THSD7A: variants seen among roughly 807,000 people sequenced by gnomAD.
THSD7A encodes the protein thrombospondin type 1 domain containing 7A.
In THSD7A, 96 loss-of-function variants were observed where a neutral mutation model predicts 231.3. The observed-to-expected ratio is 0.41, with a 90% CI of 0.35 to 0.49. THSD7A has a LOEUF of 0.49. Ranked by LOEUF, THSD7A falls within the 20% of genes least tolerant of loss-of-function variation. The pLI is 0.05. For synonymous variants in THSD7A, 940 were observed against 743.3 expected (o/e 1.26, Z -4.30); for missense variants, 2,290 against 2,070.2 (o/e 1.11, Z -2.06).
intron 13 of THSD7A, among the ~76,000 whole-genome samples, 159 bp from the exon 14 acceptor site, chr7:11,429,284 A>G (rs1784410642): frequency 6.6e-6 from 1 of 152,222 alleles, no homozygotes; most frequent in African/African-American, 2.4e-5. Flanking sequence ...TAAATTCTGC[A>G]GGGAAATGTC....
At chr7:11,535,378 T>C (rs370645454) in intron 6 of THSD7A, among the ~76,000 whole-genome samples, 1 of 152,038 alleles carries the variant, frequency 6.6e-6, no homozygotes, top group East Asian at 1.9e-4. Context: ...TGCCAAGTTT[T>C]TATAGTCCAA....
In THSD7A at chr7:11,372,866, C is replaced by T. The variant is rs1454016093; in HGVS notation, c.*2928G>A. ...TCTCATGTCAGAAACAAAAATAAGGCCATTTTCATGTTATAAACATGAATA... is the reference window on the plus strand; with the variant it reads ...TCTCATGTCAGAAACAAAAATAAGGTCATTTTCATGTTATAAACATGAATA... On this transcript the variant is annotated 3_prime_UTR_variant, in exon 28 of 28. Coordinates refer to ENST00000423059, the MANE Select transcript of THSD7A (RefSeq NM_015204.3). 1.3e-5 allele frequency: 2 copies of T among 151,900 alleles called. No individual in the cohort carries two copies. Among genetic ancestry groups the T allele is most frequent in the Non-Finnish European group, 2.9e-5 (2 of 67,934 alleles). The allele number at this position is 151,900 out of a possible 1,614,324, so 9.4% of individuals were successfully genotyped here.
Position 11,474,982 on chromosome 7 carries a change from T to G in THSD7A, c.2018-414A>C, listed in dbSNP as rs1443073210. On this transcript the variant is annotated intron_variant, in intron 7 of 27. Coordinates refer to ENST00000423059, the MANE Select transcript of THSD7A (RefSeq NM_015204.3). The surrounding 1 kb of genome is among the most constrained non-coding windows in gnomAD (Gnocchi z 4.1). ...AGGAGTAGGATTTCAATAAGCAGAATTCTGGGAAGGGACAGAAGGAAAAGA... is the reference window on the plus strand; with the variant it reads ...AGGAGTAGGATTTCAATAAGCAGAAGTCTGGGAAGGGACAGAAGGAAAAGA... Among the ~76,000 whole-genome samples, 1 of 152,086 alleles carries G rather than the reference T, an allele frequency of 6.6e-6. No homozygotes were observed. The highest frequency in any genetic ancestry group is 2.4e-5 in the African/African-American group (1 of 41,422).
At chr7:11,460,247 T>C (rs1785454990) in intron 11 of THSD7A, among the ~76,000 whole-genome samples, 1 of 152,174 alleles carries the variant, frequency 6.6e-6, no homozygotes, top group Admixed American at 6.5e-5. Flanking sequence ...TAACTAATTC[T>C]ATTACATTGT....
At position 11,682,437 on chromosome 7, in the gene THSD7A, G is replaced by T. The variant is rs115540900; in HGVS notation, c.191-45476C>A. 2.5e-3 allele frequency among the ~76,000 whole-genome samples: 382 copies of T among 152,116 alleles called. 4 individuals carry two copies. The highest frequency in any genetic ancestry group is 8.9e-3 in the African/African-American group (371 of 41,510). ...TACCACGGAAACTGAAAACAAAAAAGAGCAGAGGTCACTATTCCTGTATCA... is the reference window on the plus strand; with the variant it reads ...TACCACGGAAACTGAAAACAAAAAATAGCAGAGGTCACTATTCCTGTATCA... On this transcript the variant is annotated intron_variant, in intron 1 of 27. Transcript: ENST00000423059.
chr7:11,528,687 T>C (rs540533056), intron 6 of THSD7A, among the ~76,000 whole-genome samples: 2 of 152,294 alleles, frequency 1.3e-5, no homozygotes, highest in Admixed American at 6.5e-5. Context: ...AAACTGGAAG[T>C]CAAGAAAGTC....
intron 1 of THSD7A, among the ~76,000 whole-genome samples, chr7:11,663,560 C>T (rs1347704880): frequency 6.6e-6 from 1 of 151,464 alleles, no homozygotes; most frequent in East Asian, 1.9e-4. Context: ...CAGAAATAAC[C>T]TTGTCCCAAT....
intron 1 of THSD7A, among the ~76,000 whole-genome samples, chr7:11,755,264 T>C (rs914866995): frequency 2.3e-4 from 35 of 152,244 alleles, no homozygotes; most frequent in African/African-American, 7.5e-4. Context: ...ACATGGTATA[T>C]GATAGGAAGA....
At chr7:11,409,091 TA>T (rs1186612681) in intron 19 of THSD7A, among the ~76,000 whole-genome samples, 1 of 152,166 alleles carries the variant, frequency 6.6e-6, no homozygotes, top group Non-Finnish European at 1.5e-5. Flanking sequence ...CTCATTTACC[TA>T]AATGTGTGTG....
At chr7:11,382,267 G>T (rs768179557) in intron 24 of THSD7A, among the ~76,000 whole-genome samples, 3 of 152,050 alleles carry the variant, frequency 2.0e-5, no homozygotes, top group Admixed American at 2.0e-4. Context: ...TTATTTATTA[G>T]AATTAGATAG....
rs1782124015 is a variant in THSD7A at position 11,373,103 on chromosome 7, G to C, written c.*2691C>G. The C allele has an allele frequency of 6.6e-6, 1 of 150,620 alleles. No individual in the cohort carries two copies. Among genetic ancestry groups the C allele is most frequent in the South Asian group, 2.1e-4 (1 of 4,780 alleles). The allele number at this position is 150,620 out of a possible 1,614,324, so 9.3% of individuals were successfully genotyped here. On this transcript the variant is annotated 3_prime_UTR_variant, in exon 28 of 28. Coordinates refer to ENST00000423059, the MANE Select transcript of THSD7A (RefSeq NM_015204.3). ...TATATATATATATGCATGCATATAT[G>C]CTGTAAAATCTAATTAATTTATGAA...
chr7:11,737,545 G>T (rs1056277563), intron 1 of THSD7A, among the ~76,000 whole-genome samples: 2 of 151,984 alleles, frequency 1.3e-5, no homozygotes, highest in African/African-American at 4.8e-5. Context: ...TCTGTGCAAA[G>T]GTGCCATTTT....
rs112112311 is a variant in THSD7A, at chr7:11,832,066, C to T, written c.-120G>A. On this transcript the variant is annotated 5_prime_UTR_variant, in exon 1 of 28. Coordinates refer to ENST00000423059, the MANE Select transcript of THSD7A (RefSeq NM_015204.3). ...CAAAGCTCTTTCCTGCTATTGTTCGCTTCAGATGAGAAGGAGGGAGAGCGC... is the reference window on the plus strand; with the variant it reads ...CAAAGCTCTTTCCTGCTATTGTTCGTTTCAGATGAGAAGGAGGGAGAGCGC... The T allele has an allele frequency of 1.1e-5, 7 of 663,720 alleles. No homozygotes were observed. The African/African-American group carries it at 1.3e-4, about 13-fold the overall frequency. 41.1% of individuals were successfully genotyped at this position (663,720 alleles called of 1,614,324 possible). A position where few individuals can be genotyped will look rare whatever the true frequency, so the allele number is the denominator to read the frequency against.
intron 6 of THSD7A, among the ~76,000 whole-genome samples, chr7:11,541,201 A>G (rs1789131498): frequency 6.6e-6 from 1 of 152,172 alleles, no homozygotes; most frequent in South Asian, 2.1e-4. Context: ...ATTTAACATT[A>G]TTTTGTTACT....
intron 1 of THSD7A, among the ~76,000 whole-genome samples, chr7:11,788,426 A>G (rs942810107): frequency 3.3e-5 from 5 of 151,936 alleles, no homozygotes; most frequent in African/African-American, 1.2e-4. Context: ...TTCTCTGAGC[A>G]TTTCCCCCCA....
At chr7:11,789,431 T>A in intron 1 of THSD7A, among the ~76,000 whole-genome samples, 1 of 152,074 alleles carries the variant, frequency 6.6e-6, no homozygotes, top group East Asian at 1.9e-4. Flanking sequence ...AGGAGGTCAC[T>A]GCAGTCAGCC....
chr7:11,780,959 CCGCAG>C (rs1783605510), intron 1 of THSD7A, among the ~76,000 whole-genome samples: 1 of 120,156 alleles, frequency 8.3e-6, no homozygotes, highest in South Asian at 2.7e-4. Context: ...CCACTGCAGT[CCGCAG>C]TCCGGCCTGG....
chr7:11,779,725 A>T (rs1783561898), intron 1 of THSD7A, among the ~76,000 whole-genome samples: 1 of 152,174 alleles, frequency 6.6e-6, no homozygotes, highest in South Asian at 2.1e-4. Context: ...TAATTTCCTC[A>T]TTGATTTCTC....
At chr7:11,562,337 T>G (rs1562720782) in intron 4 of THSD7A, among the ~76,000 whole-genome samples, 2 of 152,192 alleles carry the variant, frequency 1.3e-5, no homozygotes. Flanking sequence ...TCAGACTAAT[T>G]TGAATAATGA....
Sources: gnomAD v4.1 joint callset for allele counts (sites outside exome capture counted in the v4.1 genomes callset) on GRCh38, gnomAD v4.1.1 for gene constraint, Gnocchi (gnomAD v3.1) non-coding constraint, MANE v1.5 for transcripts, NCBI Gene and HGNC (gene_info 2026-07-23, HGNC 2026-07-21) for gene names.